The following MYO5B variants were observed in gnomAD, a reference collection of about 807,000 sequenced individuals.
MYO5B encodes the protein myosin VB, also known as unconventional myosin-Vb.
Under a neutral mutation model 229.3 loss-of-function variants are expected in MYO5B, and 143 were observed. The ratio of observed to expected loss-of-function variants is 0.62; its 90% CI spans 0.54 to 0.72. The LOEUF (loss-of-function observed/expected upper bound fraction) is 0.72. Among genes scored for constraint, MYO5B ranks in the 30% least tolerant of loss-of-function variants. MYO5B has a pLI of 0.00. For missense variants in MYO5B, 2,321 were observed against 2,331.0 expected (o/e 1.00, Z 0.09); for synonymous variants, 918 against 885.2 (o/e 1.04, Z -0.66).
intron 4 of MYO5B, among the ~76,000 whole-genome samples, chr18:50,012,333 C>T (rs1288195315): frequency 6.6e-6 from 1 of 152,152 alleles, no homozygotes; most frequent in Non-Finnish European, 1.5e-5. Context: ...ATACAATGTA[C>T]CACTGAACTG....
At chr18:49,842,821 A>G (rs2024075848) in intron 34 of MYO5B, among the ~76,000 whole-genome samples, 1 of 152,202 alleles carries the variant, frequency 6.6e-6, no homozygotes, top group South Asian at 2.1e-4. Context: ...CCCCCAGGGA[A>G]GCAAGCACCC....
chr18:49,865,589 C>G (rs2024386729), intron 27 of MYO5B, among the ~76,000 whole-genome samples: 1 of 152,098 alleles, frequency 6.6e-6, no homozygotes, highest in African/African-American at 2.4e-5. Context: ...AGCCCTGGGT[C>G]CCCTCCTGGC....
chr18:49,876,918 C>G (rs1266867232), intron 25 of MYO5B, among the ~76,000 whole-genome samples: 1 of 152,182 alleles, frequency 6.6e-6, no homozygotes, highest in African/African-American at 2.4e-5. Context: ...CTTAGCAGGA[C>G]CTGCAATCAT....
intron 22 of MYO5B, among the ~76,000 whole-genome samples, chr18:49,883,423 T>G (rs1265221021): frequency 1.3e-5 from 2 of 152,136 alleles, no homozygotes; most frequent in African/African-American, 2.4e-5. Context: ...AGGAATAAAT[T>G]TAACAAGAGA....
At chr18:50,194,654 G>T (rs1368084945) in intron 1 of MYO5B, 113 bp downstream of exon 1, 2 of 710,282 alleles carry the variant, frequency 2.8e-6, no homozygotes, top group East Asian at 6.4e-5. Context: ...GCGGAGGGGG[G>T]TCTCCCGTCA....
At chr18:50,084,575 G>C (rs2031290190) in intron 1 of MYO5B, among the ~76,000 whole-genome samples, 1 of 152,008 alleles carries the variant, frequency 6.6e-6, no homozygotes, top group Non-Finnish European at 1.5e-5. Context: ...ACAACAATTT[G>C]TTTCTAGTTG....
chr18:50,043,581 A>C (rs1184979691), intron 2 of MYO5B, among the ~76,000 whole-genome samples: 2 of 130,002 alleles, frequency 1.5e-5, no homozygotes, highest in East Asian at 4.1e-4. Context: ...TTTTTATATA[A>C]AAATATATTT....
intron 1 of MYO5B, among the ~76,000 whole-genome samples, chr18:50,139,867 A>T (rs2032391471): frequency 6.6e-6 from 1 of 152,192 alleles, no homozygotes; most frequent in African/African-American, 2.4e-5. Context: ...CCAACCTAAT[A>T]TCTCCAGAAA....
In MYO5B at chr18:49,875,692, C is replaced by A. The variant is rs1598849821; in HGVS notation, c.3532G>T (p.Val1178Phe). Reference protein sequence around the residue: ...EKREQQDSKKVQAEPPQTDID... With the variant: ...EKREQQDSKKFQAEPPQTDID... ...ACTGCAGCCCCTTCACGTACCTGGA[C>A]TTTCTTGCTGTCCTGCTGTTCTCTC... Residue 1178 changes from valine (V) to phenylalanine (F), a missense_variant, in exon 26 of 40, where the codon GTC becomes TTC. By Grantham distance (50) the Val-to-Phe change is conservative. Coordinates refer to ENST00000285039, the MANE Select transcript of MYO5B (RefSeq NM_001080467.3). 1 of 1,614,102 alleles carries A rather than the reference C, an allele frequency of 6.2e-7. No homozygotes were observed.
chr18:50,068,613 G>A (rs151280744), intron 1 of MYO5B, among the ~76,000 whole-genome samples: 22 of 152,322 alleles, frequency 1.4e-4, no homozygotes, highest in African/African-American at 4.1e-4. Context: ...CACAGACCAC[G>A]TCACATTTAT....
chr18:49,879,836 C>G (rs1235270859), intron 23 of MYO5B, among the ~76,000 whole-genome samples: 2 of 152,208 alleles, frequency 1.3e-5, no homozygotes, highest in Non-Finnish European at 2.9e-5. Flanking sequence ...GACCTGGGAT[C>G]TGATTCAAGA....
rs1181481907 is a variant in MYO5B, at chr18:50,170,796, T to C, written c.27+23971A>G. On this transcript the variant is annotated intron_variant, in intron 1 of 39. Coordinates refer to ENST00000285039, the MANE Select transcript of MYO5B (RefSeq NM_001080467.3). ...ACTGCCAGTTCAACATGGCTTCACT[T>C]TTTGAGATTAGAAGATTATATTATG... Among the ~76,000 whole-genome samples, 2 of 127,886 alleles carry C rather than the reference T, an allele frequency of 1.6e-5. 1 individual carries two copies. The highest frequency in any genetic ancestry group is 4.5e-4 in the East Asian group (2 of 4,428). The allele number at this position is 127,886 out of a possible 152,430, so 83.9% of individuals were successfully genotyped here. A position where few individuals can be genotyped will look rare whatever the true frequency, so the allele number is the denominator to read the frequency against.
At chr18:49,988,034 A>G (rs548670203) in intron 7 of MYO5B, among the ~76,000 whole-genome samples, 36 of 152,306 alleles carry the variant, frequency 2.4e-4, no homozygotes, top group Non-Finnish European at 4.3e-4. Flanking sequence ...ATGGCCCAAC[A>G]ATGGGGCAGA....
At chr18:49,895,319 T>G (rs1045667696) in intron 21 of MYO5B, 145 bp from the exon 22 acceptor site, 9 of 721,246 alleles carry the variant, frequency 1.2e-5, no homozygotes, top group African/African-American at 1.0e-4. Context: ...GCTCAAGTGC[T>G]TGCCTGGCAT....
At chr18:49,847,758 G>A (rs1477119763) in intron 32 of MYO5B, among the ~76,000 whole-genome samples, 3 of 152,254 alleles carry the variant, frequency 2.0e-5, no homozygotes, top group East Asian at 1.9e-4. Context: ...TGGCCACAAC[G>A]TGGCCATCGT....
In MYO5B at chr18:49,906,299, A is replaced by T. The variant is rs1433045148; in HGVS notation, c.2414+120T>A. The T allele has an allele frequency of 1.3e-5, 13 of 977,698 alleles. No homozygotes were observed. The Admixed American group carries it at 2.4e-4, about 18-fold the overall frequency. The allele number at this position is 977,698 out of a possible 1,614,324, so 60.6% of individuals were successfully genotyped here. Reference sequence around the variant, plus strand: ...GCCGAGGAAAAGCCAAGATGCAGACATGGCCCCAACAGGAACCACTCTCAG... The same window carrying T: ...GCCGAGGAAAAGCCAAGATGCAGACTTGGCCCCAACAGGAACCACTCTCAG... On this transcript the variant is annotated intron_variant, in intron 19 of 39. Coordinates refer to ENST00000285039, the MANE Select transcript of MYO5B (RefSeq NM_001080467.3).
At chr18:50,104,776 G>A (rs972483549) in intron 1 of MYO5B, among the ~76,000 whole-genome samples, 29 of 152,212 alleles carry the variant, frequency 1.9e-4, no homozygotes, top group African/African-American at 7.0e-4. Flanking sequence ...TTTTATCCAG[G>A]GAATGAACAG....
intron 3 of MYO5B, among the ~76,000 whole-genome samples, chr18:50,037,904 G>A (rs376641971): frequency 3.6e-4 from 54 of 152,076 alleles, no homozygotes; most frequent in African/African-American, 1.3e-3. Context: ...AAAAAAAAGA[G>A]AACACTTAAG....
At chr18:50,059,470 G>A (rs949176814) in intron 1 of MYO5B, among the ~76,000 whole-genome samples, 4 of 152,180 alleles carry the variant, frequency 2.6e-5, no homozygotes, top group Non-Finnish European at 5.9e-5. Flanking sequence ...AAGAGAGAAA[G>A]TTGGTAGCCA....
Sources: allele counts gnomAD v4.1 joint callset (sites outside exome capture counted in the v4.1 genomes callset), GRCh38; gene constraint gnomAD v4.1.1; transcripts MANE v1.5; gene names NCBI Gene and HGNC (gene_info 2026-07-23, HGNC 2026-07-21).